MAGI2: variants seen among roughly 807,000 people sequenced by gnomAD.
MAGI2 encodes the protein membrane associated guanylate kinase, WW and PDZ domain containing 2.
A neutral mutation model predicts 133.3 loss-of-function variants in MAGI2; 35 were observed. The observed-to-expected ratio is 0.26, with a 90% confidence interval of 0.20 to 0.35. The LOEUF (loss-of-function observed/expected upper bound fraction) is 0.35, where lower values mean the gene tolerates loss of function less well. Among genes scored for constraint, MAGI2 ranks in the 10% least tolerant of loss-of-function variants. The probability of loss-of-function intolerance (pLI) is 1.00; values close to 1 mark genes in which losing one functional copy is unlikely to be tolerated. For missense variants in MAGI2, 1,636 were observed against 1,863.4 expected (o/e 0.88, Z 2.25); for synonymous variants, 729 against 710.6 (o/e 1.03, Z -0.41).
intron 2 of MAGI2, among the ~76,000 whole-genome samples, chr7:78,651,455 T>C (rs1468685294): frequency 6.6e-6 from 1 of 152,134 alleles, no homozygotes; most frequent in East Asian, 1.9e-4. Context: ...CTGTGCTTTG[T>C]TTTTAGCTCC....
intron 20 of MAGI2, among the ~76,000 whole-genome samples, chr7:78,115,365 A>C (rs1819759257): frequency 1.3e-5 from 2 of 152,236 alleles, no homozygotes; most frequent in Admixed American, 1.3e-4. Flanking sequence ...GATAGAATTA[A>C]ATACAAGTAT....
Position 79,133,096 on chromosome 7 carries a change from G to A in MAGI2, c.302-125890C>T, listed in dbSNP as rs574366504. Among the ~76,000 whole-genome samples the A allele has an allele frequency of 5.9e-5, 9 of 152,204 alleles. No individual in the cohort carries two copies. In the South Asian group the frequency reaches 1.9e-3, roughly 32 times the overall value. ...GCAAATATTTTCTTCCTTTCTGTGG[G>A]TTGTCTGTTTACTCTGATTATTATT... On this transcript the variant is annotated intron_variant, in intron 1 of 21. Transcript: ENST00000354212.
intron 1 of MAGI2, among the ~76,000 whole-genome samples, chr7:79,182,248 C>A (rs1826687821): frequency 6.6e-6 from 1 of 151,918 alleles, no homozygotes; most frequent in Non-Finnish European, 1.5e-5. Flanking sequence ...GGGCAATTTA[C>A]AAAAGAAAGA....
chr7:79,108,596 G>T lies in MAGI2; in HGVS notation c.302-101390C>A, dbSNP rs570073946. Among the ~76,000 whole-genome samples, 3 of 152,262 alleles carry T rather than the reference G, an allele frequency of 2.0e-5. No individual in the cohort carries two copies. In the East Asian group the frequency reaches 5.8e-4, roughly 29 times the overall value. The stretch of plus-strand genomic sequence containing the variant: ...ACTACCCATCAAGTTTTGCCCAAAG[G>T]CTACTTTGTCTCATGTTAACTTTGT... On this transcript the variant is annotated intron_variant, in intron 1 of 21. Transcript: ENST00000354212.
In MAGI2 at chr7:79,254,838, G is replaced by A. The variant is rs554217273; in HGVS notation, c.301+198182C>T. On this transcript the variant is annotated intron_variant, in intron 1 of 21. Coordinates refer to ENST00000354212, the MANE Select transcript of MAGI2 (RefSeq NM_012301.4). Reference sequence around the variant, plus strand: ...AGTAAATGCTTGAAGAGACAATTAAGGGCACCTAATTCAGCTCCTTCACTT... The same window carrying A: ...AGTAAATGCTTGAAGAGACAATTAAAGGCACCTAATTCAGCTCCTTCACTT... 4.6e-5 allele frequency among the ~76,000 whole-genome samples: 7 copies of A among 152,232 alleles called. No homozygotes were observed. The East Asian group carries it at 9.6e-4, about 21-fold the overall frequency.
chr7:78,575,726 T>C (rs1802200580), intron 3 of MAGI2, among the ~76,000 whole-genome samples: 1 of 152,064 alleles, frequency 6.6e-6, no homozygotes, highest in Admixed American at 6.6e-5. Flanking sequence ...TCAGACAAAC[T>C]CAAACTGATA....
chr7:78,311,595 A>G (rs1798709031), intron 9 of MAGI2, among the ~76,000 whole-genome samples: 1 of 152,230 alleles, frequency 6.6e-6, no homozygotes, highest in Non-Finnish European at 1.5e-5. Flanking sequence ...AAGCTTTTAA[A>G]ATTAGAATGT....
intron 2 of MAGI2, among the ~76,000 whole-genome samples, chr7:78,828,248 G>C (rs1790842590): frequency 6.6e-6 from 1 of 152,188 alleles, no homozygotes; most frequent in Non-Finnish European, 1.5e-5. Context: ...TATGGCAAAA[G>C]GGGTAATGAG....
At chr7:78,568,854 G>C (rs921769439) in intron 3 of MAGI2, among the ~76,000 whole-genome samples, 2 of 152,024 alleles carry the variant, frequency 1.3e-5, no homozygotes, top group African/African-American at 4.8e-5. Context: ...AAGTGTTCCA[G>C]AGCCCAAGTC....
chr7:79,227,306 T>C (rs917533911), intron 1 of MAGI2, among the ~76,000 whole-genome samples: 3 of 152,234 alleles, frequency 2.0e-5, no homozygotes, highest in Non-Finnish European at 2.9e-5. Flanking sequence ...ATATACCCAC[T>C]GTAATGTAAA....
chr7:78,169,029 G>A (rs1825872525), intron 14 of MAGI2, among the ~76,000 whole-genome samples: 1 of 152,050 alleles, frequency 6.6e-6, no homozygotes, highest in Admixed American at 6.5e-5. Flanking sequence ...CTGCTGTTTG[G>A]GTGGCTACTG....
At chr7:78,285,801 C>T (rs896014163) in intron 9 of MAGI2, 4 of 152,104 alleles carry the variant, frequency 2.6e-5, no homozygotes, top group Non-Finnish European at 5.9e-5. Flanking sequence ...GATGCCAATG[C>T]TGCCGGTTCA....
At chr7:78,190,602 A>G (rs10278536) in intron 12 of MAGI2, among the ~76,000 whole-genome samples, 144,205 of 152,176 alleles carry the variant, frequency 0.95, 68,796 homozygotes, top group East Asian at 1. Context: ...AAGTAACTAG[A>G]CCAGTAATAG....
chr7:79,169,113 G>A (rs531994992), intron 1 of MAGI2, among the ~76,000 whole-genome samples: 1 of 151,986 alleles, frequency 6.6e-6, no homozygotes, highest in African/African-American at 2.4e-5. Flanking sequence ...AATATCACAA[G>A]ATCTTTGTCT....
intron 1 of MAGI2, among the ~76,000 whole-genome samples, chr7:79,279,926 A>C (rs1835501438): frequency 6.6e-6 from 1 of 152,240 alleles, no homozygotes; most frequent in Non-Finnish European, 1.5e-5. Flanking sequence ...AAATAAATGC[A>C]ACCAATATTA....
intron 1 of MAGI2, among the ~76,000 whole-genome samples, chr7:79,228,339 T>C (rs1307505880): frequency 2.0e-4 from 3 of 14,802 alleles, no homozygotes; most frequent in South Asian, 6.4e-3. Context: ...CAAGACCCTG[T>C]CTCAAAAAAA....
chr7:78,943,860 A>C (rs1179026466), intron 2 of MAGI2, among the ~76,000 whole-genome samples: 3 of 152,180 alleles, frequency 2.0e-5, no homozygotes, highest in African/African-American at 7.2e-5. Context: ...TCATTCATTC[A>C]ACAAATATTA....
At chr7:79,119,627 A>G (rs1819712392) in intron 1 of MAGI2, among the ~76,000 whole-genome samples, 2 of 152,108 alleles carry the variant, frequency 1.3e-5, no homozygotes, top group South Asian at 2.1e-4. Context: ...TTATCTCCAT[A>G]TAAAGGAGGA....
At chr7:78,858,564 G>C (rs1793864780) in intron 2 of MAGI2, among the ~76,000 whole-genome samples, 1 of 152,150 alleles carries the variant, frequency 6.6e-6, no homozygotes, top group Non-Finnish European at 1.5e-5. Context: ...GAGCGGTTTT[G>C]AGTGAGTTTC....
Sources: gnomAD v4.1 joint callset for allele counts (sites outside exome capture counted in the v4.1 genomes callset) on GRCh38, gnomAD v4.1.1 for gene constraint, MANE v1.5 for transcripts, NCBI Gene and HGNC (gene_info 2026-07-23, HGNC 2026-07-21) for gene names.